SAMD12: variants seen among roughly 807,000 people sequenced by gnomAD.
SAMD12 encodes the protein sterile alpha motif domain containing 12.
Under a neutral mutation model 15.0 loss-of-function variants are expected in SAMD12, and 9 were observed. The ratio of observed to expected loss-of-function variants is 0.60; its 90% CI spans 0.36 to 1.05. SAMD12 has a LOEUF of 1.05. SAMD12 is among the 50% of genes least tolerant of loss of function. SAMD12 has a pLI of 0.01. For synonymous variants in SAMD12, 86 were observed against 90.1 expected, an observed-to-expected ratio of 0.96 and a Z score of 0.25; for missense variants, 230 against 234.2, an observed-to-expected ratio of 0.98 and a Z score of 0.12.
At chr8:118,471,670 A>G (rs984154559) in intron 2 of SAMD12, among the ~76,000 whole-genome samples, 1 of 152,348 alleles carries the variant, frequency 6.6e-6, no homozygotes, top group South Asian at 2.1e-4. Context: ...AAAATAACTC[A>G]TCTTTAGGAT....
intron 3 of SAMD12, among the ~76,000 whole-genome samples, chr8:118,385,407 G>C (rs1460125741): frequency 6.6e-6 from 1 of 152,080 alleles, no homozygotes; most frequent in African/African-American, 2.4e-5. Context: ...GCCAGCCTTT[G>C]GACTCAAACT....
intron 2 of SAMD12, among the ~76,000 whole-genome samples, chr8:118,556,120 G>A (rs913173494): frequency 2.0e-5 from 3 of 152,182 alleles, no homozygotes; most frequent in Non-Finnish European, 4.4e-5. Context: ...TACATTTGGA[G>A]TCCTCACTCT....
rs73320267 is a variant in SAMD12 at position 118,304,436 on chromosome 8, T to A, written c.433+75124A>T. On this transcript the variant is annotated intron_variant, in intron 4 of 4. Transcript: ENST00000409003. ...CATCTTCTCCAGAAGCATTTTTCAA[T>A]CAGTAAATACATTTGAAAAGCATAA... is the stretch of plus-strand genomic sequence containing the variant. Among the ~76,000 whole-genome samples the A allele has an allele frequency of 9.1e-3, 1,381 of 152,306 alleles. 19 individuals carry two copies. The highest frequency in any genetic ancestry group is 0.03 in the African/African-American group (1,260 of 41,566).
chr8:118,134,827 T>C, the SAMD12 span, among the ~76,000 whole-genome samples: 1 of 152,218 alleles, frequency 6.6e-6, no homozygotes, highest in Non-Finnish European at 1.5e-5. Flanking sequence ...ACCAGCCTCC[T>C]CAGAGCAAAC....
chr8:118,345,188 T>C, intron 4 of SAMD12, among the ~76,000 whole-genome samples: 1 of 152,204 alleles, frequency 6.6e-6, no homozygotes, highest in East Asian at 1.9e-4. Flanking sequence ...TACTAACTAT[T>C]GTGTTAAAAT....
intron 4 of SAMD12, among the ~76,000 whole-genome samples, chr8:118,240,861 T>C (rs1335973526): frequency 2.6e-5 from 4 of 152,144 alleles, no homozygotes; most frequent in Non-Finnish European, 5.9e-5. Flanking sequence ...CAACCAGCAG[T>C]TGACTGAGCT....
chr8:118,525,437 T>G lies in SAMD12; in HGVS notation c.192+55278A>C, dbSNP rs562725277. Among the ~76,000 whole-genome samples, 5 of 152,306 alleles carry G rather than the reference T, an allele frequency of 3.3e-5. No individual in the cohort carries two copies. The South Asian group carries it at 6.2e-4, about 19-fold the overall frequency. ...TTCATTGACTCAAACCCCTATAGAA[T>G]GCAAGTGTCATCAGAGCAGACACTA... is the stretch of plus-strand genomic sequence containing the variant. On this transcript the variant is annotated intron_variant, in intron 2 of 3. Transcript: ENST00000314727.
chr8:118,149,139 A>G, the SAMD12 span, among the ~76,000 whole-genome samples: 1 of 152,308 alleles, frequency 6.6e-6, no homozygotes, highest in East Asian at 1.9e-4. Context: ...GCCCAGGCTG[A>G]GGGGTGCAGG....
chr8:118,604,793 G>C lies in SAMD12; in HGVS notation c.13+17011C>G, dbSNP rs1404883146. Among the ~76,000 whole-genome samples the C allele has an allele frequency of 2.0e-5, 3 of 152,040 alleles. 1 individual carries two copies. The highest frequency in any genetic ancestry group is 2.0e-4 in the Admixed American group (3 of 15,258). ...AAAAATTAGGGGGGCGTGGTGGCGG[G>C]AGCCTGTAGTCCCAGCTACTGGGGA... On this transcript the variant is annotated intron_variant, in intron 1 of 3. Transcript: ENST00000314727.
intron 4 of SAMD12, among the ~76,000 whole-genome samples, chr8:118,357,885 C>A (rs534930319): frequency 1.3e-5 from 2 of 152,174 alleles, no homozygotes; most frequent in Non-Finnish European, 2.9e-5. Context: ...GTGGCTCACA[C>A]CTGTAATCTC....
rs559037370 is a variant in SAMD12 at position 118,469,191 on chromosome 8, T to C, written c.193-29230A>G. Among the ~76,000 whole-genome samples, 68 of 151,898 alleles carry C rather than the reference T, an allele frequency of 4.5e-4. 3 individuals carry two copies. The South Asian group carries it at 0.014, about 31-fold the overall frequency. On this transcript the variant is annotated intron_variant, in intron 2 of 3. Transcript: ENST00000314727. ...TGCCCCTTAGCCTTTACTACCTTGT[T>C]GTGTACTTTTTTTGTGGACCTATCT...
At chr8:118,338,926 G>C (rs1434405375) in intron 4 of SAMD12, among the ~76,000 whole-genome samples, 1 of 152,104 alleles carries the variant, frequency 6.6e-6, no homozygotes, top group Non-Finnish European at 1.5e-5. Flanking sequence ...TATTGACATC[G>C]ATACTCTAGC....
chr8:118,421,316 T>G (rs140368374), intron 3 of SAMD12, among the ~76,000 whole-genome samples: 3 of 152,370 alleles, frequency 2.0e-5, no homozygotes, highest in African/African-American at 7.2e-5. Flanking sequence ...TCTGATTTCA[T>G]GGCAAATCTA....
intron 4 of SAMD12, among the ~76,000 whole-genome samples, chr8:118,238,355 T>C (rs1015849090): frequency 8.5e-5 from 13 of 152,164 alleles, no homozygotes; most frequent in African/African-American, 2.2e-4. Context: ...TTAAAATTTA[T>C]CATTGTAATC....
At chr8:118,156,471 T>G in the SAMD12 span, among the ~76,000 whole-genome samples, 1 of 152,194 alleles carries the variant, frequency 6.6e-6, no homozygotes, top group Non-Finnish European at 1.5e-5. Context: ...CAAGGCTCCA[T>G]GTGGGCCAGA....
At chr8:118,139,591 C>G in the SAMD12 span, among the ~76,000 whole-genome samples, 1 of 152,164 alleles carries the variant, frequency 6.6e-6, no homozygotes, top group Admixed American at 6.5e-5. Flanking sequence ...CTCCTGGCCT[C>G]AAGTGATCTT....
chr8:118,610,744 A>G (rs777165331), intron 1 of SAMD12, among the ~76,000 whole-genome samples: 1 of 152,194 alleles, frequency 6.6e-6, no homozygotes, highest in Non-Finnish European at 1.5e-5. Flanking sequence ...TGGACCAGAG[A>G]TTACTGTCTT....
rs142183264 is a variant in SAMD12 at position 118,226,470 on chromosome 8, C to A, written c.434-28738G>T. The stretch of plus-strand genomic sequence containing the variant: ...AGTCAAGAAAATCCTCCTTTGATAG[C>A]AAGCTGGCTTCTCGTATATTTCTTT... On this transcript the variant is annotated intron_variant, in intron 4 of 4. Transcript: ENST00000409003. Among the ~76,000 whole-genome samples the A allele has an allele frequency of 5.9e-5, 9 of 152,286 alleles. No homozygotes were observed. In the East Asian group the frequency reaches 1.7e-3, roughly 29 times the overall value.
chr8:118,418,939 T>C (rs2514986), intron 3 of SAMD12, among the ~76,000 whole-genome samples: 124,857 of 152,078 alleles, frequency 0.82, 51,313 homozygotes, highest in Admixed American at 0.85. Flanking sequence ...TTTTCCTTTC[T>C]CTTCTATTTC....
Sources: gnomAD v4.1 joint callset for allele counts (sites outside exome capture counted in the v4.1 genomes callset) on GRCh38, gnomAD v4.1.1 for gene constraint, MANE v1.5 for transcripts, NCBI Gene and HGNC (gene_info 2026-07-23, HGNC 2026-07-21) for gene names.